The following MAP3K5 variants were observed in gnomAD, a reference collection of about 807,000 sequenced individuals.
MAP3K5 encodes ASK-1.
Under a neutral mutation model 158.7 loss-of-function variants are expected in MAP3K5, and 56 were observed. That is an observed-to-expected ratio of 0.35 (90% CI 0.28 to 0.44). MAP3K5 has a LOEUF of 0.44. Among genes scored for constraint, MAP3K5 ranks in the 20% least tolerant of loss-of-function variants. MAP3K5 has a pLI of 1.00. For missense variants in MAP3K5, 1,294 were observed against 1,674.8 expected (o/e 0.77, Z 3.97); for synonymous variants, 579 against 601.7 (o/e 0.96, Z 0.55).
chr6:136,747,175 G>A (rs894750618), intron 1 of MAP3K5, among the ~76,000 whole-genome samples: 1 of 152,158 alleles, frequency 6.6e-6, no homozygotes, highest in East Asian at 1.9e-4. Flanking sequence ...CAAAGTGCTG[G>A]GATTACAGGC....
intron 1 of MAP3K5, among the ~76,000 whole-genome samples, chr6:136,768,963 T>A (rs1784069516): frequency 6.6e-6 from 1 of 151,450 alleles, no homozygotes; most frequent in Admixed American, 6.6e-5. Flanking sequence ...CTCAAAAAGT[T>A]CAGCATTGAA....
rs1330346647 is a variant in MAP3K5 at position 136,609,622 on chromosome 6, G to T, written c.2521+1660C>A. ...AGCCTGGGCAACATGGTGAAACCCT[G>T]TCTCTACCAAAAATACAAAAAATTA... On this transcript the variant is annotated intron_variant, in intron 18 of 29. Coordinates refer to ENST00000359015, the MANE Select transcript of MAP3K5 (RefSeq NM_005923.4). The surrounding 1 kb of genome is among the most constrained non-coding windows in gnomAD (Gnocchi z 4.4). Among the ~76,000 whole-genome samples, 1 of 151,704 alleles carries T rather than the reference G, an allele frequency of 6.6e-6. No homozygotes were observed. The highest frequency in any genetic ancestry group is 1.5e-5 in the Non-Finnish European group (1 of 67,950).
chr6:136,615,807 G>T (rs1776537995), intron 15 of MAP3K5, among the ~76,000 whole-genome samples: 1 of 152,120 alleles, frequency 6.6e-6, no homozygotes, highest in Admixed American at 6.5e-5. Context: ...CAAACCTGGT[G>T]TCTCACACTT....
chr6:136,750,674 C>G (rs191200034), intron 1 of MAP3K5, among the ~76,000 whole-genome samples: 1 of 152,294 alleles, frequency 6.6e-6, no homozygotes, highest in Non-Finnish European at 1.5e-5. Flanking sequence ...AAAACTTCAG[C>G]CTTTTCCCCT....
At chr6:136,605,088 T>G (rs1009328063) in intron 19 of MAP3K5, 121 bp downstream of exon 19, 27 of 914,844 alleles carry the variant, frequency 3.0e-5, no homozygotes, top group South Asian at 2.3e-4. Flanking sequence ...TGACCTTTAA[T>G]GTGTTCTAAG....
At chr6:136,730,343 C>T (rs1172077885) in intron 1 of MAP3K5, among the ~76,000 whole-genome samples, 2 of 151,232 alleles carry the variant, frequency 1.3e-5, no homozygotes, top group Non-Finnish European at 2.9e-5. Context: ...TATTGGAACA[C>T]ACTAAATTGG....
intron 26 of MAP3K5, among the ~76,000 whole-genome samples, chr6:136,566,801 C>A (rs973545816): frequency 6.6e-6 from 1 of 152,220 alleles, no homozygotes; most frequent in Non-Finnish European, 1.5e-5. Flanking sequence ...GGTATACAAG[C>A]TTGCCTTTAA....
At chr6:136,760,816 A>G (rs1175049262) in intron 1 of MAP3K5, among the ~76,000 whole-genome samples, 1 of 152,168 alleles carries the variant, frequency 6.6e-6, no homozygotes, top group East Asian at 1.9e-4. Context: ...CTGAACATAG[A>G]AAAATTAGCC....
At chr6:136,766,286 A>G (rs898015498) in intron 1 of MAP3K5, among the ~76,000 whole-genome samples, 1 of 152,252 alleles carries the variant, frequency 6.6e-6, no homozygotes, top group Non-Finnish European at 1.5e-5. Flanking sequence ...AAGGCCAAGC[A>G]ATAACTCCGT....
At chr6:136,744,057 A>T (rs895588280) in intron 1 of MAP3K5, among the ~76,000 whole-genome samples, 1 of 152,210 alleles carries the variant, frequency 6.6e-6, no homozygotes, top group East Asian at 1.9e-4. Flanking sequence ...CAGTGCAACT[A>T]TGCTGTACAA....
At chr6:136,719,343 G>C (rs112849114) in intron 2 of MAP3K5, among the ~76,000 whole-genome samples, 1 of 152,204 alleles carries the variant, frequency 6.6e-6, no homozygotes, top group African/African-American at 2.4e-5. Context: ...AATTAAAGGG[G>C]TAAATCTGGA....
intron 21 of MAP3K5, among the ~76,000 whole-genome samples, chr6:136,595,091 T>C (rs1169314482): frequency 6.6e-6 from 1 of 152,212 alleles, no homozygotes; most frequent in Non-Finnish European, 1.5e-5. Flanking sequence ...ATGTTCTATG[T>C]GCAGAGCCCT....
rs879218243 is a variant in MAP3K5, at chr6:136,637,120, G to C, written c.2016+205C>G. On this transcript the variant is annotated intron_variant, in intron 14 of 29. Coordinates refer to ENST00000359015, the MANE Select transcript of MAP3K5 (RefSeq NM_005923.4). ...GCTATCAGGTAAGTAAAATGCTAACGCTTGGTGCTGTGGAATAAGAATTCT... is the reference window on the plus strand; with the variant it reads ...GCTATCAGGTAAGTAAAATGCTAACCCTTGGTGCTGTGGAATAAGAATTCT... 5.7e-6 allele frequency: 8 copies of C among 1,404,004 alleles called. No individual in the cohort carries two copies. The African/African-American group carries it at 1.0e-4, about 18-fold the overall frequency. The allele number at this position is 1,404,004 out of a possible 1,614,324, so 87.0% of individuals were successfully genotyped here.
At chr6:136,626,530 C>T (rs1378958362) in intron 14 of MAP3K5, among the ~76,000 whole-genome samples, 1 of 152,176 alleles carries the variant, frequency 6.6e-6, no homozygotes, top group Non-Finnish European at 1.5e-5. Context: ...AAACTGGGCT[C>T]CTGCGAGGAG....
chr6:136,757,552 G>T (rs764692652), intron 1 of MAP3K5, among the ~76,000 whole-genome samples: 2 of 150,930 alleles, frequency 1.3e-5, no homozygotes, highest in African/African-American at 2.4e-5. Flanking sequence ...ATTAATCAGA[G>T]AACTCATTTT....
rs542409556 is a variant in MAP3K5 at position 136,791,795 on chromosome 6, C to G, written c.363G>C (p.Glu121Asp). 1.2e-6 allele frequency: 2 copies of G among 1,613,722 alleles called. No individual in the cohort carries two copies. The highest frequency in any genetic ancestry group is 1.3e-5 in the African/African-American group (1 of 75,064). The change falls in exon 1 of 30, where the codon GAG becomes GAC. Residue 121 changes from glutamate to aspartate, a missense_variant. By Grantham distance (45) the Glu-to-Asp change is conservative. Coordinates refer to ENST00000359015, the MANE Select transcript of MAP3K5 (RefSeq NM_005923.4). The part of the protein sequence containing the change: ...EALQSLREAC[E>D]TVGATLETLH... ...GGGTTTCCAGGGTGGCGCCCACTGT[C>G]TCGCACGCCTCCCGCAAGCTCTGCA...
intron 28 of MAP3K5, among the ~76,000 whole-genome samples, chr6:136,560,868 GC>G (rs1348486687): frequency 6.6e-6 from 1 of 151,606 alleles, no homozygotes; most frequent in African/African-American, 2.4e-5. Context: ...GATCACTTGA[GC>G]CCAGCAGGTC....
At chr6:136,727,874 A>G (rs1273697769) in intron 1 of MAP3K5, among the ~76,000 whole-genome samples, 3 of 152,146 alleles carry the variant, frequency 2.0e-5, no homozygotes, top group Non-Finnish European at 1.5e-5. Context: ...AGGCAGGAGA[A>G]TGGGGTGAAC....
intron 23 of MAP3K5, among the ~76,000 whole-genome samples, chr6:136,590,065 T>C (rs1294267410): frequency 6.6e-6 from 1 of 152,162 alleles, no homozygotes; most frequent in Non-Finnish European, 1.5e-5. Flanking sequence ...CTCAACAGAC[T>C]GGGTTAGTTC....
Sources: allele counts gnomAD v4.1 joint callset (sites outside exome capture counted in the v4.1 genomes callset), GRCh38; gene constraint gnomAD v4.1.1; non-coding constraint Gnocchi (gnomAD v3.1); transcripts MANE v1.5; gene names NCBI Gene and HGNC (gene_info 2026-07-23, HGNC 2026-07-21).